PTPRD: variants seen among roughly 807,000 people sequenced by gnomAD.
PTPRD encodes receptor-type tyrosine-protein phosphatase delta.
In PTPRD, 34 loss-of-function variants were observed where a neutral mutation model predicts 214.5. The observed-to-expected ratio is 0.16, with a 90% CI of 0.12 to 0.21. The LOEUF (loss-of-function observed/expected upper bound fraction) is 0.21, where lower values mean the gene tolerates loss of function less well. Among genes scored for constraint, PTPRD ranks in the 10% least tolerant of loss-of-function variants. PTPRD has a pLI of 1.00. For synonymous variants in PTPRD, 1,128 were observed against 845.7 expected, an observed-to-expected ratio of 1.33 and a Z score of -5.79; for missense variants, 2,545 against 2,398.7, an observed-to-expected ratio of 1.06 and a Z score of -1.27.
At chr9:10,178,793 G>C (rs1050529424) in intron 3 of PTPRD, among the ~76,000 whole-genome samples, 1 of 151,936 alleles carries the variant, frequency 6.6e-6, no homozygotes, top group Admixed American at 6.6e-5. Context: ...CACTAGATGT[G>C]AGGAGTACCC....
At chr9:8,340,222 A>G in intron 42 of PTPRD, 121 bp downstream of exon 42, 1 of 1,138,688 alleles carries the variant, frequency 8.8e-7, no homozygotes, top group East Asian at 2.5e-5. Context: ...GGTCCGGATT[A>G]TGTCCAGAGT....
At chr9:10,247,106 C>T (rs2092234951) in intron 3 of PTPRD, among the ~76,000 whole-genome samples, 1 of 151,998 alleles carries the variant, frequency 6.6e-6, no homozygotes. Context: ...GAAAATCAAA[C>T]CTTTTTAATC....
chr9:10,576,256 C>T (rs370977287), intron 2 of PTPRD, among the ~76,000 whole-genome samples: 35 of 152,104 alleles, frequency 2.3e-4, no homozygotes, highest in African/African-American at 6.3e-4. Flanking sequence ...TAAGAATTTT[C>T]AGTATTGAGG....
At chr9:8,965,087 C>T (rs1231910098) in intron 11 of PTPRD, among the ~76,000 whole-genome samples, 1 of 151,910 alleles carries the variant, frequency 6.6e-6, no homozygotes, top group East Asian at 1.9e-4. Flanking sequence ...GTTCAGGATT[C>T]CTTTGTTAGG....
chr9:9,759,232 C>G (rs770229386), intron 6 of PTPRD, among the ~76,000 whole-genome samples: 19 of 152,148 alleles, frequency 1.2e-4, no homozygotes, highest in Non-Finnish European at 2.2e-4. Flanking sequence ...AGCCTGTGTT[C>G]AGTCAGTCTG....
At chr9:10,392,167 TGTATC>T (rs1333040419) in intron 2 of PTPRD, among the ~76,000 whole-genome samples, 1 of 151,964 alleles carries the variant, frequency 6.6e-6, no homozygotes, top group Non-Finnish European at 1.5e-5. Flanking sequence ...TGGCCACAGC[TGTATC>T]CTAAGAGTTT....
intron 14 of PTPRD, among the ~76,000 whole-genome samples, chr9:8,602,216 C>T (rs1375331587): frequency 1.3e-5 from 2 of 152,148 alleles, no homozygotes; most frequent in African/African-American, 2.4e-5. Flanking sequence ...GCCAATAGTT[C>T]TAAATAGAAA....
intron 12 of PTPRD, among the ~76,000 whole-genome samples, chr9:8,702,539 A>T (rs1177274493): frequency 6.6e-6 from 1 of 152,182 alleles, no homozygotes; most frequent in African/African-American, 2.4e-5. Context: ...GAGTTTTTTG[A>T]TAGACATCTG....
chr9:9,252,115 G>T (rs2099975721), intron 9 of PTPRD, among the ~76,000 whole-genome samples: 2 of 151,916 alleles, frequency 1.3e-5, no homozygotes, highest in Non-Finnish European at 2.9e-5. Context: ...GGGGTACTCT[G>T]TTGTAGGGGA....
In PTPRD at chr9:8,800,692, C is replaced by T. The variant is rs1229378056; in HGVS notation, c.-103-66746G>A. On this transcript the variant is annotated intron_variant, in intron 11 of 45. Transcript: ENST00000381196. The stretch of plus-strand genomic sequence containing the variant: ...TGGGCAACCAGCAGCCTCGGGGCTG[C>T]TCTGTCTATGGAGTAGCCATTCTTT... Among the ~76,000 whole-genome samples the T allele has an allele frequency of 2.6e-5, 4 of 152,318 alleles. No homozygotes were observed. The South Asian group carries it at 8.3e-4, about 32-fold the overall frequency.
At chr9:8,681,482 C>A (rs906834028) in intron 12 of PTPRD, among the ~76,000 whole-genome samples, 1 of 152,132 alleles carries the variant, frequency 6.6e-6, no homozygotes, top group East Asian at 1.9e-4. Context: ...CTGTTATTCC[C>A]AGCCTTCTCT....
intron 7 of PTPRD, among the ~76,000 whole-genome samples, chr9:9,726,283 T>C (rs938809784): frequency 2.0e-5 from 3 of 152,198 alleles, no homozygotes; most frequent in African/African-American, 7.2e-5. Flanking sequence ...ATTCCAAGCA[T>C]TTAACTGTCT....
chr9:10,390,175 C>T (rs2098027910), intron 2 of PTPRD, among the ~76,000 whole-genome samples: 1 of 151,738 alleles, frequency 6.6e-6, no homozygotes, highest in Admixed American at 6.6e-5. Flanking sequence ...ATTTCATATG[C>T]TGTATATCTT....
chr9:9,280,329 G>A (rs1017760370), intron 9 of PTPRD, among the ~76,000 whole-genome samples: 1 of 151,002 alleles, frequency 6.6e-6, no homozygotes, highest in African/African-American at 2.4e-5. Context: ...ATAAGGAATA[G>A]GGAAATATAA....
intron 11 of PTPRD, among the ~76,000 whole-genome samples, chr9:8,884,204 T>C (rs2098468173): frequency 6.6e-6 from 1 of 152,204 alleles, no homozygotes. Context: ...AGAGAATGGC[T>C]ATACTGAGAC....
chr9:8,337,371 C>T (rs371090823), intron 43 of PTPRD, among the ~76,000 whole-genome samples: 2 of 151,998 alleles, frequency 1.3e-5, no homozygotes, highest in East Asian at 1.9e-4. Flanking sequence ...GAAAACCAAA[C>T]ACTGCACTCA....
intron 8 of PTPRD, among the ~76,000 whole-genome samples, chr9:9,520,276 T>A (rs62533256): frequency 1.2e-5 from 1 of 80,472 alleles, no homozygotes; most frequent in African/African-American, 3.1e-5. Context: ...TATATATATA[T>A]ATATATTAAG....
At chr9:9,595,937 C>T (rs762398433) in intron 7 of PTPRD, among the ~76,000 whole-genome samples, 2 of 149,028 alleles carry the variant, frequency 1.3e-5, no homozygotes, top group Non-Finnish European at 3.0e-5. Context: ...CCCGAATAAC[C>T]TATGGAAATA....
At chr9:10,570,047 A>C (rs920358351) in intron 2 of PTPRD, among the ~76,000 whole-genome samples, 1 of 152,122 alleles carries the variant, frequency 6.6e-6, no homozygotes, top group Non-Finnish European at 1.5e-5. Context: ...GATCTTTGTC[A>C]AATGTATAAA....
Sources: allele counts gnomAD v4.1 joint callset (sites outside exome capture counted in the v4.1 genomes callset), GRCh38; gene constraint gnomAD v4.1.1; transcripts MANE v1.5; gene names NCBI Gene and HGNC (gene_info 2026-07-23, HGNC 2026-07-21).